VPS4A: variants seen among roughly 807,000 people sequenced by gnomAD.
VPS4A encodes vacuolar protein sorting-associated protein 4A.
Under a neutral mutation model 52.3 loss-of-function variants are expected in VPS4A, and 20 were observed. The ratio of observed to expected loss-of-function variants is 0.38; its 90% confidence interval spans 0.27 to 0.56. The LOEUF is 0.56. VPS4A is among the 20% of genes least tolerant of loss of function. The probability of loss-of-function intolerance (pLI) is 0.72; values close to 1 mark genes in which losing one functional copy is unlikely to be tolerated. For synonymous variants in VPS4A, 293 were observed against 227.7 expected (o/e 1.29, Z -2.58); for missense variants, 419 against 575.9 (o/e 0.73, Z 2.79).
Position 69,316,027 on chromosome 16 carries a change from C to T in VPS4A, c.41C>T (p.Thr14Met), listed in dbSNP as rs1965431448. 7 of 1,613,474 alleles carry T rather than the reference C, an allele frequency of 4.3e-6. No homozygotes were observed. The East Asian group carries it at 8.9e-5, about 21-fold the overall frequency. Residue 14 changes from threonine (T) to methionine (M), a missense_variant, in exon 2 of 11, where the codon ACG becomes ATG. Thr to Met is a moderately conservative substitution (Grantham distance 81). Around this residue, in one of 3 missense-constraint regions of VPS4A, gnomAD observed 131 missense variants for 165.4 expected, o/e 0.79. Coordinates refer to ENST00000254950, the MANE Select transcript of VPS4A (RefSeq NM_013245.3). Reference protein sequence around the residue: ...STLQKAIDLVTKATEEDKAKN... With the variant: ...STLQKAIDLVMKATEEDKAKN... ...TTCCAGAAAGCCATTGATCTGGTGA[C>T]GAAAGCCACAGAGGAGGACAAAGCC...
At position 69,325,765 on chromosome 16, in the gene VPS4A, A is replaced by AAATTCAG. The variant is rs1567426473; in HGVS notation, c.*1462_*1468dup. ...AAAAAAAAGTCGAGAGTTGACATAA[A>AAATTCAG]AATTCAGAATTCTGACTTCTAGAAG... On this transcript the variant is annotated 3_prime_UTR_variant, in exon 11 of 11. Transcript: ENST00000254950. The AAATTCAG allele has an allele frequency of 6.6e-6, 1 of 152,120 alleles. No homozygotes were observed. Among genetic ancestry groups the AAATTCAG allele is most frequent in the African/African-American group, 2.4e-5 (1 of 41,402 alleles). 9.4% of individuals were successfully genotyped at this position (152,120 alleles called of 1,614,324 possible).
chr16:69,315,887 C>G, intron 1 of VPS4A, 121 bp from the exon 2 acceptor site: 1 of 804,762 alleles, frequency 1.2e-6, no homozygotes, highest in South Asian at 1.8e-5. Context: ...TGAAATGGCC[C>G]GCAAGCAATA....
chr16:69,321,507 G>C lies in VPS4A; in HGVS notation c.1071+237G>C. 2 of 566,794 alleles carry C rather than the reference G, an allele frequency of 3.5e-6. No individual in the cohort carries two copies. The highest frequency in any genetic ancestry group is 2.1e-5 in the South Asian group (1 of 47,870). The allele number at this position is 566,794 out of a possible 1,614,324, so 35.1% of individuals were successfully genotyped here. On this transcript the variant is annotated intron_variant, in intron 9 of 10. Transcript: ENST00000254950. The surrounding 1 kb of genome is among the most constrained non-coding windows in gnomAD (Gnocchi z 4.5). ...AAGCAGAGGACAGGGCCACTTTACT[G>C]TCTTAACCCTGCTGCGGCCTCCTCC... is the stretch of plus-strand genomic sequence containing the variant.
At chr16:69,311,587 G>A in intron 1 of VPS4A, 55 bp downstream of exon 1, 3 of 1,244,942 alleles carry the variant, frequency 2.4e-6, no homozygotes, top group Middle Eastern at 4.6e-4. Flanking sequence ...GGGCCTGCGG[G>A]CCGCAGAGCC....
Position 69,320,984 on chromosome 16 carries a change from G to T in VPS4A, c.852-67G>T. ...GCGTCCGTTTCACTCAAATCTTCGTGCCTCCCCTTCCGTGAATACCATTCC... is the reference window on the plus strand; with the variant it reads ...GCGTCCGTTTCACTCAAATCTTCGTTCCTCCCCTTCCGTGAATACCATTCC... On this transcript the variant is annotated intron_variant, in intron 8 of 10. Coordinates refer to ENST00000254950, the MANE Select transcript of VPS4A (RefSeq NM_013245.3). This position sits in a 1 kb window ranked among gnomAD's most constrained non-coding sequence, Gnocchi z 4.2. 2 of 1,470,766 alleles carry T rather than the reference G, an allele frequency of 1.4e-6. No homozygotes were observed. The allele number at this position is 1,470,766 out of a possible 1,614,324, so 91.1% of individuals were successfully genotyped here. A position where few individuals can be genotyped will look rare whatever the true frequency, so the allele number is the denominator to read the frequency against.
chr16:69,321,221 C>A lies in VPS4A; in HGVS notation c.1022C>A (p.Ser341Tyr). The change falls in exon 9 of 11, where the codon TCT becomes TAT. Residue 341 changes from serine (S) to tyrosine (Y), a missense_variant. Coordinates refer to ENST00000254950, the MANE Select transcript of VPS4A (RefSeq NM_013245.3). The surrounding 1 kb of genome is among the most constrained non-coding windows in gnomAD (Gnocchi z 4.5). ...GACATCAGCATCATCGTGCGGGACT[C>A]TCTCATGCAGCCCGTGAGGAAGGTG... Reference protein sequence around the residue: ...GADISIIVRDSLMQPVRKVQS... With the variant: ...GADISIIVRDYLMQPVRKVQS... 6.4e-7 allele frequency: 1 copy of A among 1,566,760 alleles called. No individual in the cohort carries two copies. Among genetic ancestry groups the A allele is most frequent in the Non-Finnish European group, 8.6e-7 (1 of 1,156,386 alleles).
Position 69,311,399 on chromosome 16 carries a change from C to T in VPS4A, c.-113C>T. ...GAGCGGCCGCCCTGCCCGCGCACCG[C>T]GCTCAGCGCCCACCGCCGGGCTTCC... On this transcript the variant is annotated 5_prime_UTR_variant, in exon 1 of 11. Transcript: ENST00000254950. 2.6e-6 allele frequency: 3 copies of T among 1,157,452 alleles called. No individual in the cohort carries two copies. The highest frequency in any genetic ancestry group is 3.3e-6 in the Non-Finnish European group (3 of 915,252). 71.7% of individuals were successfully genotyped at this position (1,157,452 alleles called of 1,614,324 possible). A position where few individuals can be genotyped will look rare whatever the true frequency, so the allele number is the denominator to read the frequency against.
At position 69,321,369 on chromosome 16, in the gene VPS4A, G is replaced by A; in HGVS notation, c.1071+99G>A. On this transcript the variant is annotated intron_variant, in intron 9 of 10. Coordinates refer to ENST00000254950, the MANE Select transcript of VPS4A (RefSeq NM_013245.3). The surrounding 1 kb of genome is among the most constrained non-coding windows in gnomAD (Gnocchi z 4.5). ...CCTGGTCCTGCTCCCCGGCTGCTCA[G>A]GTGACACAGTCTCTGAGGCCTCCTG... is the stretch of plus-strand genomic sequence containing the variant. The A allele has an allele frequency of 2.2e-6, 3 of 1,356,660 alleles. No individual in the cohort carries two copies. The highest frequency in any genetic ancestry group is 3.0e-6 in the Non-Finnish European group (3 of 996,088). 84.0% of individuals were successfully genotyped at this position (1,356,660 alleles called of 1,614,324 possible).
At position 69,321,161 on chromosome 16, in the gene VPS4A, A is replaced by C; in HGVS notation, c.962A>C (p.Glu321Ala). ...AACCTCACGGATGCAAACATCCACG[A>C]GCTGGCCCGGAAGACGGAAGGCTAC... ...PHNLTDANIHELARKTEGYSG... is the reference protein window; with the variant it reads ...PHNLTDANIHALARKTEGYSG... Residue 321 changes from glutamate to alanine, a missense_variant, in exon 9 of 11, where the codon GAG becomes GCG. By Grantham distance (107) the Glu-to-Ala change is moderately radical. Coordinates refer to ENST00000254950, the MANE Select transcript of VPS4A (RefSeq NM_013245.3). This position sits in a 1 kb window ranked among gnomAD's most constrained non-coding sequence, Gnocchi z 4.5. 6.3e-7 allele frequency: 1 copy of C among 1,582,160 alleles called. No individual in the cohort carries two copies. The highest frequency in any genetic ancestry group is 8.6e-7 in the Non-Finnish European group (1 of 1,164,694).
intron 6 of VPS4A, 40 bp downstream of exon 6, chr16:69,319,583 G>A (rs1477191990): frequency 1.3e-6 from 2 of 1,587,984 alleles, no homozygotes; most frequent in East Asian, 2.3e-5. Flanking sequence ...AGCAGCCCCG[G>A]CACTGCTAGT....
intron 1 of VPS4A, among the ~76,000 whole-genome samples, chr16:69,314,901 G>A (rs1309994734): frequency 6.6e-6 from 1 of 152,126 alleles, no homozygotes; most frequent in East Asian, 1.9e-4. Context: ...GCAGGCGTTG[G>A]TGAAGCTGCG....
chr16:69,321,500 C>T lies in VPS4A; in HGVS notation c.1071+230C>T. ...TGTGTGAAAGCAGAGGACAGGGCCA[C>T]TTTACTGTCTTAACCCTGCTGCGGC... On this transcript the variant is annotated intron_variant, in intron 9 of 10. Transcript: ENST00000254950. The surrounding 1 kb of genome is among the most constrained non-coding windows in gnomAD (Gnocchi z 4.5). 1.7e-6 allele frequency: 1 copy of T among 580,308 alleles called. No homozygotes were observed. The highest frequency in any genetic ancestry group is 2.9e-5 in the East Asian group (1 of 34,046). The allele number at this position is 580,308 out of a possible 1,614,324, so 35.9% of individuals were successfully genotyped here.
rs147597923 is a variant in VPS4A, at chr16:69,320,093, G to A, written c.621-48G>A. 1.8e-3 allele frequency: 2,880 copies of A among 1,576,786 alleles called. 2 individuals are homozygous for A. Among genetic ancestry groups the A allele is most frequent in the Non-Finnish European group, 2.3e-3 (2,652 of 1,154,850 alleles). ...GAGGGAAGTGCCGGGAGCCCAGGCGGGCACGGACGTGAACGTCTTGTCCTC... is the reference window on the plus strand; with the variant it reads ...GAGGGAAGTGCCGGGAGCCCAGGCGAGCACGGACGTGAACGTCTTGTCCTC... On this transcript the variant is annotated intron_variant, in intron 6 of 10. Transcript: ENST00000254950. This position sits in a 1 kb window ranked among gnomAD's most constrained non-coding sequence, Gnocchi z 4.2.
Position 69,318,711 on chromosome 16 carries a change from G to C in VPS4A, c.343G>C (p.Gly115Arg). Residue 115 changes from glycine to arginine, a missense_variant and splice_region_variant, in exon 4 of 11, where the codon GGT becomes CGT. Physicochemically the swap from Gly to Arg is moderately radical, Grantham distance 125. Transcript: ENST00000254950. ...EKKKLQEQLM[G>R]AVVMEKPNIR... ...AAAGAAACTGCAAGAACAGCTGATG[G>C]GTAAGTGGCTCGCGGCCCTGTGGCA... The C allele has an allele frequency of 6.2e-7, 1 of 1,613,804 alleles. No individual in the cohort carries two copies. Among genetic ancestry groups the C allele is most frequent in the Non-Finnish European group, 8.5e-7 (1 of 1,179,818 alleles).
At position 69,311,543 on chromosome 16, in the gene VPS4A, C is replaced by G. The variant is rs913629021; in HGVS notation, c.21+11C>G. ...ACGTCAACCCTCCAGGTACTTCGTG[C>G]GGCCCGGCCCGACTTCGGAGGCCGA... is the stretch of plus-strand genomic sequence containing the variant. On this transcript the variant is annotated intron_variant, in intron 1 of 10. Transcript: ENST00000254950. 33 of 1,316,094 alleles carry G rather than the reference C, an allele frequency of 2.5e-5. No individual in the cohort carries two copies. The highest frequency in any genetic ancestry group is 3.1e-5 in the Admixed American group (1 of 31,772). The allele number at this position is 1,316,094 out of a possible 1,614,324, so 81.5% of individuals were successfully genotyped here. A position where few individuals can be genotyped will look rare whatever the true frequency, so the allele number is the denominator to read the frequency against.
At chr16:69,316,486 G>T (rs1965438504) in intron 3 of VPS4A, 114 bp downstream of exon 3, 3 of 1,399,112 alleles carry the variant, frequency 2.1e-6, no homozygotes, top group Non-Finnish European at 2.9e-6. Context: ...ATAGTGCAGG[G>T]ATGACAGTGC....
chr16:69,319,578 C>T, intron 6 of VPS4A, 35 bp downstream of exon 6: 1 of 1,592,110 alleles, frequency 6.3e-7, no homozygotes, highest in Non-Finnish European at 8.6e-7. Context: ...CTGCCAGCAG[C>T]CCCGGCACTG....
At chr16:69,317,623 C>G (rs1435562103) in intron 3 of VPS4A, among the ~76,000 whole-genome samples, 2 of 152,184 alleles carry the variant, frequency 1.3e-5, no homozygotes, top group Non-Finnish European at 2.9e-5. Context: ...GAAACCCCGT[C>G]TCCACTAAAA....
At chr16:69,311,746 G>A (rs946479005) in intron 1 of VPS4A, among the ~76,000 whole-genome samples, 1 of 152,154 alleles carries the variant, frequency 6.6e-6, no homozygotes, top group Non-Finnish European at 1.5e-5. Flanking sequence ...GGCCCTGCCC[G>A]GCTGGCCCAG....
Sources: gnomAD v4.1 joint callset for allele counts (sites outside exome capture counted in the v4.1 genomes callset) on GRCh38, gnomAD v4.1.1 for gene constraint, gnomAD v4.1.1 regional missense constraint, Gnocchi (gnomAD v3.1) non-coding constraint, MANE v1.5 for transcripts, NCBI Gene and HGNC (gene_info 2026-07-23, HGNC 2026-07-21) for gene names.